Variants in FAM83F observed in about 807,000 individuals in gnomAD.
FAM83F encodes the protein protein FAM83F.
Under a neutral mutation model 42.9 loss-of-function variants are expected in FAM83F, and 45 were observed. That is an observed-to-expected ratio of 1.05 (90% CI 0.83 to 1.35). The LOEUF is 1.35. FAM83F is among the 40% of genes most tolerant of loss of function. FAM83F has a pLI of 0.00. For missense variants in FAM83F, 617 were observed against 695.9 expected, an observed-to-expected ratio of 0.89 and a Z score of 1.28; for synonymous variants, 306 against 298.3, an observed-to-expected ratio of 1.03 and a Z score of -0.27.
intron 4 of FAM83F, among the ~76,000 whole-genome samples, chr22:40,025,285 G>A (rs1047584489): frequency 7.2e-5 from 11 of 152,262 alleles, no homozygotes; most frequent in Non-Finnish European, 1.3e-4. Context: ...TGGGGGTAGT[G>A]CCGTGTGCCT....
At position 40,029,762 on chromosome 22, in the gene FAM83F, C is replaced by A; in HGVS notation, c.*197C>A. The A allele has an allele frequency of 1.4e-6, 1 of 734,266 alleles. No homozygotes were observed. The highest frequency in any genetic ancestry group is 3.0e-5 in the East Asian group (1 of 33,586). 45.5% of individuals were successfully genotyped at this position (734,266 alleles called of 1,614,324 possible). ...AAGCATCTCAGTCACACGCCTCCAC[C>A]GGACTGTCGGTGGCTGGGCAGGGGT... On this transcript the variant is annotated 3_prime_UTR_variant, in exon 5 of 5. Transcript: ENST00000333407.
chr22:40,000,116 G>A (rs955519208), intron 1 of FAM83F, among the ~76,000 whole-genome samples: 10 of 152,158 alleles, frequency 6.6e-5, no homozygotes, highest in African/African-American at 1.2e-4. Flanking sequence ...TCTATTGGCC[G>A]CCTGTCCCTC....
At chr22:40,004,267 A>AATTTTATTTT (rs59445798) in intron 1 of FAM83F, among the ~76,000 whole-genome samples, 4,913 of 133,774 alleles carry the variant, frequency 0.037, 361 homozygotes, top group African/African-American at 0.12. Flanking sequence ...GCCCTTTTAG[A>AATTTTATTTT]ATTTTATTTT....
In FAM83F at chr22:40,021,847, G is replaced by T. The variant is rs201670514; in HGVS notation, c.1337G>T (p.Arg446Leu). 5 of 1,612,198 alleles carry T rather than the reference G, an allele frequency of 3.1e-6. No homozygotes were observed. Among genetic ancestry groups the T allele is most frequent in the Admixed American group, 1.7e-5 (1 of 59,976 alleles). The change falls in exon 4 of 5, where the codon CGA becomes CTA. Residue 446 changes from arginine to leucine, a missense_variant. Arg to Leu is a moderately radical substitution (Grantham distance 102, BLOSUM62 -2). Transcript: ENST00000333407. The surrounding 1 kb of genome is among the most constrained non-coding windows in gnomAD (Gnocchi z 8.7). ...TTCAGCAGCAGGCTCTTCAGTCGCC[G>T]AGCCAAGAGGCCTGCGGCGCCCAAT... ...RRFSSRLFSR[R>L]AKRPAAPNGM...
At position 39,995,750 on chromosome 22, in the gene FAM83F, G is replaced by A. The variant is rs2067371397; in HGVS notation, c.489+219G>A. Reference sequence around the variant, plus strand: ...ACAAGGTGCTGGACAGATGTCAGCCGTCGGTATTCCAGCGTTCAGAGGCAC... The same window carrying A: ...ACAAGGTGCTGGACAGATGTCAGCCATCGGTATTCCAGCGTTCAGAGGCAC... On this transcript the variant is annotated intron_variant, in intron 1 of 4. Coordinates refer to ENST00000333407, the MANE Select transcript of FAM83F (RefSeq NM_138435.4). The surrounding 1 kb of genome is among the most constrained non-coding windows in gnomAD (Gnocchi z 4.6). Among the ~76,000 whole-genome samples, 1 of 152,180 alleles carries A rather than the reference G, an allele frequency of 6.6e-6. No individual in the cohort carries two copies. Among genetic ancestry groups the A allele is most frequent in the Admixed American group, 6.5e-5 (1 of 15,288 alleles).
chr22:40,014,418 C>T (rs1043445139), intron 1 of FAM83F, among the ~76,000 whole-genome samples: 2 of 152,052 alleles, frequency 1.3e-5, no homozygotes, highest in African/African-American at 4.8e-5. Flanking sequence ...TTCTTCCTCT[C>T]GACCCCATAA....
chr22:40,004,072 C>G (rs951867586), intron 1 of FAM83F, among the ~76,000 whole-genome samples: 1 of 152,006 alleles, frequency 6.6e-6, no homozygotes, highest in Non-Finnish European at 1.5e-5. Flanking sequence ...TGCTCATTCA[C>G]TCACCATGTT....
In FAM83F at chr22:40,032,983, A is replaced by G; in HGVS notation, c.*3418A>G. The stretch of plus-strand genomic sequence containing the variant: ...ATGCTTTAGTAACATGAAGGTTTCA[A>G]ACTAAGAAAAGCTCAACAAAGAGCC... On this transcript the variant is annotated 3_prime_UTR_variant, in exon 5 of 5. Coordinates refer to ENST00000333407, the MANE Select transcript of FAM83F (RefSeq NM_138435.4). The G allele has an allele frequency of 1.3e-5, 2 of 152,214 alleles. 1 individual carries two copies. The highest frequency in any genetic ancestry group is 2.9e-5 in the Non-Finnish European group (2 of 68,046). The allele number at this position is 152,214 out of a possible 1,614,324, so 9.4% of individuals were successfully genotyped here.
intron 4 of FAM83F, among the ~76,000 whole-genome samples, chr22:40,024,186 A>T (rs2067537744): frequency 6.6e-6 from 1 of 152,274 alleles, no homozygotes; most frequent in Middle Eastern, 3.4e-3. Flanking sequence ...TTGTTTGTAT[A>T]GACAGGGTCT....
At position 40,027,064 on chromosome 22, in the gene FAM83F, A is replaced by G. The variant is rs559966495; in HGVS notation, c.1454-2452A>G. On this transcript the variant is annotated intron_variant, in intron 4 of 4. Coordinates refer to ENST00000333407, the MANE Select transcript of FAM83F (RefSeq NM_138435.4). ...CTCTAAGTTCCTGGCACAGCTGTGA[A>G]CAGAATGAACATGGTCCTTGCTTTT... Among the ~76,000 whole-genome samples, 25 of 152,146 alleles carry G rather than the reference A, an allele frequency of 1.6e-4. No individual in the cohort carries two copies. In the South Asian group the frequency reaches 5.2e-3, roughly 32 times the overall value.
intron 1 of FAM83F, among the ~76,000 whole-genome samples, chr22:40,015,783 G>A (rs2067489616): frequency 6.6e-6 from 1 of 152,178 alleles, no homozygotes; most frequent in Non-Finnish European, 1.5e-5. Flanking sequence ...CACATCACAT[G>A]TCATGTTCTT....
In FAM83F at chr22:40,031,720, GA is replaced by G. The variant is rs1308498964; in HGVS notation, c.*2156del. On this transcript the variant is annotated 3_prime_UTR_variant, in exon 5 of 5. Coordinates refer to ENST00000333407, the MANE Select transcript of FAM83F (RefSeq NM_138435.4). ...GGGAAGAGGGCCAGCCACAAGGCAGGAGTGCCCAGGCAGGGTGCCTCTCCCT... is the reference window on the plus strand; with the variant it reads ...GGGAAGAGGGCCAGCCACAAGGCAGGGTGCCCAGGCAGGGTGCCTCTCCCT... 6.7e-6 allele frequency: 1 copy of G among 149,016 alleles called. No homozygotes were observed. Among genetic ancestry groups the G allele is most frequent in the African/African-American group, 2.6e-5 (1 of 38,452 alleles). 9.2% of individuals were successfully genotyped at this position (149,016 alleles called of 1,614,324 possible). A position where few individuals can be genotyped will look rare whatever the true frequency, so the allele number is the denominator to read the frequency against.
chr22:39,996,574 A>G (rs999070610), intron 1 of FAM83F, among the ~76,000 whole-genome samples: 2 of 152,198 alleles, frequency 1.3e-5, no homozygotes, highest in Non-Finnish European at 2.9e-5. Flanking sequence ...GAATAATACA[A>G]CAGGAGTGGC....
intron 4 of FAM83F, among the ~76,000 whole-genome samples, chr22:40,027,464 T>C (rs548678786): frequency 3.9e-4 from 59 of 152,254 alleles, no homozygotes; most frequent in African/African-American, 1.3e-3. Context: ...CCTCCCACCC[T>C]GCACCCGTTT....
intron 1 of FAM83F, among the ~76,000 whole-genome samples, chr22:40,012,251 C>T (rs1390512676): frequency 2.6e-5 from 4 of 151,908 alleles, no homozygotes; most frequent in African/African-American, 7.2e-5. Context: ...TCTCTTGCCT[C>T]AGCCTCCCGA....
intron 1 of FAM83F, chr22:40,009,927 C>T (rs2958650): frequency 0.29 from 44,661 of 152,146 alleles, 6,855 homozygotes; most frequent in African/African-American, 0.34. Flanking sequence ...CATTTGGAGG[C>T]TCCCTCCCTG....
At chr22:40,028,980 C>A (rs935375809) in intron 4 of FAM83F, among the ~76,000 whole-genome samples, 3 of 152,094 alleles carry the variant, frequency 2.0e-5, no homozygotes, top group Non-Finnish European at 4.4e-5. Context: ...CGGTAGAATG[C>A]GGCAGCCCGG....
chr22:40,026,821 T>C (rs543854489), intron 4 of FAM83F, among the ~76,000 whole-genome samples: 2 of 152,274 alleles, frequency 1.3e-5, no homozygotes, highest in African/African-American at 4.8e-5. Context: ...CTGTGGCTGC[T>C]GGGCCGCTGG....
rs1224116083 is a variant in FAM83F, at chr22:40,023,153, T to C, written c.1453+1190T>C. Among the ~76,000 whole-genome samples the C allele has an allele frequency of 2.6e-5, 4 of 152,186 alleles. No individual in the cohort carries two copies. The highest frequency in any genetic ancestry group is 4.8e-5 in the African/African-American group (2 of 41,440). On this transcript the variant is annotated intron_variant, in intron 4 of 4. Transcript: ENST00000333407. This position sits in a 1 kb window ranked among gnomAD's most constrained non-coding sequence, Gnocchi z 4.1. Reference sequence around the variant, plus strand: ...CCTGCACAGGCACTCTCTCTCCCCTTCTGCCCCCACAACCACCCTTCAAGC... The same window carrying C: ...CCTGCACAGGCACTCTCTCTCCCCTCCTGCCCCCACAACCACCCTTCAAGC...
Sources: allele counts gnomAD v4.1 joint callset (sites outside exome capture counted in the v4.1 genomes callset), GRCh38; gene constraint gnomAD v4.1.1; non-coding constraint Gnocchi (gnomAD v3.1); transcripts MANE v1.5; gene names NCBI Gene and HGNC (gene_info 2026-07-23, HGNC 2026-07-21).